Variants in CACNA2D1 observed in about 807,000 individuals in gnomAD.
CACNA2D1 encodes voltage-dependent calcium channel subunit alpha-2/delta-1.
Under a neutral mutation model 171.5 loss-of-function variants are expected in CACNA2D1, and 53 were observed. That is an observed-to-expected ratio of 0.31 (90% CI 0.25 to 0.39). CACNA2D1 has a LOEUF of 0.39. CACNA2D1 is among the 10% of genes least tolerant of loss of function. The pLI, the probability that CACNA2D1 is intolerant of heterozygous loss-of-function variation, is 1.00. For synonymous variants in CACNA2D1, 442 were observed against 443.1 expected, an observed-to-expected ratio of 1.00 and a Z score of 0.03; for missense variants, 903 against 1,299.8, an observed-to-expected ratio of 0.69 and a Z score of 4.69.
intron 20 of CACNA2D1, among the ~76,000 whole-genome samples, chr7:81,992,581 G>A (rs1019945659): frequency 2.0e-5 from 3 of 152,124 alleles, no homozygotes; most frequent in Non-Finnish European, 4.4e-5. Context: ...GTGTTGGTCT[G>A]CAAGTTATAA....
intron 1 of CACNA2D1, among the ~76,000 whole-genome samples, chr7:82,414,961 C>A (rs1475927331): frequency 1.3e-5 from 2 of 152,162 alleles, no homozygotes; most frequent in African/African-American, 4.8e-5. Flanking sequence ...AGGAACTATT[C>A]TCACATTACC....
intron 24 of CACNA2D1, among the ~76,000 whole-genome samples, chr7:81,979,752 A>G (rs1465683379): frequency 3.3e-5 from 5 of 152,204 alleles, no homozygotes; most frequent in Non-Finnish European, 5.9e-5. Flanking sequence ...CTTGAAATTA[A>G]TTAAAGTGAC....
At chr7:82,443,850 A>G, upstream of CACNA2D1, 1 of 214,624 alleles carries the variant, frequency 4.7e-6, no homozygotes, top group Non-Finnish European at 7.8e-6. Context: ...GCGGGGGCGG[A>G]GGAGGGGTGA....
chr7:82,443,708 C>T lies in CACNA2D1; in HGVS notation c.-249G>A. ...CTGCTCCGCGCCGCGGCCGCCTTGC[C>T]TCCGCCGCCATCAAGGGCGACTTTG... On this transcript the variant is annotated 5_prime_UTR_variant, in exon 1 of 39. Coordinates refer to ENST00000356860, the MANE Select transcript of CACNA2D1 (RefSeq NM_000722.4). 3 of 1,236,234 alleles carry T rather than the reference C, an allele frequency of 2.4e-6. No individual in the cohort carries two copies. Among genetic ancestry groups the T allele is most frequent in the Non-Finnish European group, 3.0e-6 (3 of 992,188 alleles). The allele number at this position is 1,236,234 out of a possible 1,614,324, so 76.6% of individuals were successfully genotyped here. A position where few individuals can be genotyped will look rare whatever the true frequency, so the allele number is the denominator to read the frequency against.
At position 82,349,713 on chromosome 7, in the gene CACNA2D1, A is replaced by G. The variant is rs958255265; in HGVS notation, c.96-64T>C. 239 of 1,206,268 alleles carry G rather than the reference A, an allele frequency of 2.0e-4. 1 individual carries two copies. The highest frequency in any genetic ancestry group is 2.7e-4 in the Non-Finnish European group (219 of 809,890). 74.7% of individuals were successfully genotyped at this position (1,206,268 alleles called of 1,614,324 possible). On this transcript the variant is annotated intron_variant, in intron 1 of 38. Coordinates refer to ENST00000356860, the MANE Select transcript of CACNA2D1 (RefSeq NM_000722.4). ...TGGCAAATAAAAGTCACATGCTGAT[A>G]TTTTATATCCACGCTACAGATAATT... is the stretch of plus-strand genomic sequence containing the variant.
At chr7:81,958,836 G>C (rs935808931) in intron 38 of CACNA2D1, among the ~76,000 whole-genome samples, 1 of 151,958 alleles carries the variant, frequency 6.6e-6, no homozygotes, top group African/African-American at 2.4e-5. Context: ...GACAATGGCT[G>C]TATAACAGGT....
intron 6 of CACNA2D1, 100 bp from the exon 7 acceptor site, chr7:82,085,000 C>T: frequency 9.4e-7 from 1 of 1,058,946 alleles, no homozygotes. Context: ...GTTCATTGTT[C>T]TACCTATAAA....
At chr7:82,075,388 C>A (rs1363735208) in intron 7 of CACNA2D1, among the ~76,000 whole-genome samples, 1 of 152,010 alleles carries the variant, frequency 6.6e-6, no homozygotes, top group Non-Finnish European at 1.5e-5. Context: ...GTAAATGGTA[C>A]ACAAACATTT....
At chr7:82,411,476 A>C (rs3779448) in intron 1 of CACNA2D1, among the ~76,000 whole-genome samples, 7,955 of 152,250 alleles carry the variant, frequency 0.052, 381 homozygotes, top group East Asian at 0.12. Flanking sequence ...TCAATAGATG[A>C]CACCAATTAT....
chr7:82,104,197 CT>C (rs1345535958), intron 6 of CACNA2D1, among the ~76,000 whole-genome samples: 3 of 151,874 alleles, frequency 2.0e-5, no homozygotes, highest in African/African-American at 7.2e-5. Flanking sequence ...TTAATACTGA[CT>C]TTTTTAATTT....
At chr7:82,272,959 G>T (rs1808833881) in intron 3 of CACNA2D1, among the ~76,000 whole-genome samples, 1 of 152,044 alleles carries the variant, frequency 6.6e-6, no homozygotes, top group Non-Finnish European at 1.5e-5. Context: ...GTTATTTTAA[G>T]CCACTTTATT....
intron 1 of CACNA2D1, among the ~76,000 whole-genome samples, chr7:82,443,098 G>A (rs1009130189): frequency 6.6e-6 from 1 of 152,198 alleles, no homozygotes; most frequent in African/African-American, 2.4e-5. Flanking sequence ...GGGCTGAGAC[G>A]CCGCGAGTCG....
intron 4 of CACNA2D1, among the ~76,000 whole-genome samples, chr7:82,142,722 C>G (rs1228356202): frequency 1.3e-5 from 2 of 152,126 alleles, no homozygotes; most frequent in Non-Finnish European, 2.9e-5. Flanking sequence ...GATAAAGTCA[C>G]TTTTACAAAA....
chr7:82,353,177 G>A (rs763132539), intron 1 of CACNA2D1, among the ~76,000 whole-genome samples: 33 of 152,086 alleles, frequency 2.2e-4, no homozygotes, highest in Admixed American at 1.7e-3. Context: ...TGGTGAAAGG[G>A]ATAAAGGGAA....
At chr7:81,999,867 G>C (rs914497611) in intron 18 of CACNA2D1, among the ~76,000 whole-genome samples, 1 of 152,112 alleles carries the variant, frequency 6.6e-6, no homozygotes, top group East Asian at 1.9e-4. Context: ...TGCAACAATA[G>C]GAAATTCAGT....
intron 12 of CACNA2D1, among the ~76,000 whole-genome samples, chr7:82,017,108 T>C (rs553431512): frequency 2.0e-5 from 3 of 152,230 alleles, no homozygotes; most frequent in South Asian, 4.1e-4. Flanking sequence ...TATGTATATA[T>C]ACACACACAT....
chr7:82,388,880 C>G (rs1824745930), intron 1 of CACNA2D1, among the ~76,000 whole-genome samples: 1 of 151,922 alleles, frequency 6.6e-6, no homozygotes, highest in South Asian at 2.1e-4. Flanking sequence ...CTTTAGGAGG[C>G]CGAGGCTGGC....
intron 2 of CACNA2D1, among the ~76,000 whole-genome samples, chr7:82,345,846 C>T (rs183199380): frequency 3.7e-4 from 57 of 152,186 alleles, no homozygotes; most frequent in Non-Finnish European, 6.5e-4. Flanking sequence ...CAGCTTCCAT[C>T]TCTGTTAATA....
intron 8 of CACNA2D1, 64 bp from the exon 9 acceptor site, chr7:82,064,418 A>G: frequency 8.1e-7 from 1 of 1,233,358 alleles, no homozygotes; most frequent in Non-Finnish European, 1.2e-6. Flanking sequence ...TATTTGTTGA[A>G]TTGATATTTA....
Sources: gnomAD v4.1 joint callset for allele counts (sites outside exome capture counted in the v4.1 genomes callset) on GRCh38, gnomAD v4.1.1 for gene constraint, MANE v1.5 for transcripts, NCBI Gene and HGNC (gene_info 2026-07-23, HGNC 2026-07-21) for gene names.